RPTOR: variants seen among roughly 807,000 people sequenced by gnomAD.
RPTOR encodes regulatory-associated protein of mTOR.
In RPTOR, 21 loss-of-function variants were observed where a neutral mutation model predicts 169.9. The ratio of observed to expected loss-of-function variants is 0.12; its 90% CI spans 0.09 to 0.18. The LOEUF is 0.18. Among genes scored for constraint, RPTOR ranks in the 10% least tolerant of loss-of-function variants. The probability of loss-of-function intolerance (pLI) is 1.00; values close to 1 mark genes in which losing one functional copy is unlikely to be tolerated. For synonymous variants in RPTOR, 732 were observed against 753.2 expected (o/e 0.97, Z 0.46); for missense variants, 1,133 against 1,855.9 (o/e 0.61, Z 7.16).
chr17:80,582,772 T>C (rs1350027746), intron 1 of RPTOR, among the ~76,000 whole-genome samples: 2 of 151,554 alleles, frequency 1.3e-5, no homozygotes, highest in East Asian at 3.9e-4. Context: ...TCTCGATCTC[T>C]TGACCTCGTG....
chr17:80,732,099 G>A (rs376815341), intron 5 of RPTOR, among the ~76,000 whole-genome samples: 14 of 152,108 alleles, frequency 9.2e-5, no homozygotes, highest in Admixed American at 2.0e-4. Context: ...TATCTAATGA[G>A]CATTAAGAAA....
chr17:80,929,264 G>A (rs1051596396), intron 24 of RPTOR, among the ~76,000 whole-genome samples: 7 of 152,194 alleles, frequency 4.6e-5, no homozygotes, highest in South Asian at 2.1e-4. Context: ...ATGCTTGCAC[G>A]AGCTCTGTGC....
At chr17:80,892,435 C>T (rs956024171) in intron 18 of RPTOR, among the ~76,000 whole-genome samples, 4 of 152,360 alleles carry the variant, frequency 2.6e-5, no homozygotes, top group South Asian at 4.1e-4. Flanking sequence ...TCACGGCCCA[C>T]GTCACCATGC....
chr17:80,626,195 G>A (rs1273234494), intron 2 of RPTOR, among the ~76,000 whole-genome samples: 1 of 152,054 alleles, frequency 6.6e-6, no homozygotes, highest in Non-Finnish European at 1.5e-5. Flanking sequence ...TGGGACTACA[G>A]GCACCCGCCA....
chr17:80,640,097 A>T (rs1481574434), intron 2 of RPTOR, among the ~76,000 whole-genome samples: 1 of 147,446 alleles, frequency 6.8e-6, no homozygotes, highest in African/African-American at 2.4e-5. Context: ...TAAAAGTTTT[A>T]TGCAAATACC....
Position 80,964,642 on chromosome 17 carries a change from G to A in RPTOR, c.*312G>A, listed in dbSNP as rs944811273. 6.9e-6 allele frequency: 3 copies of A among 435,670 alleles called. No individual in the cohort carries two copies. Among genetic ancestry groups the A allele is most frequent in the African/African-American group, 2.0e-5 (1 of 51,116 alleles). 27.0% of individuals were successfully genotyped at this position (435,670 alleles called of 1,614,324 possible). On this transcript the variant is annotated 3_prime_UTR_variant, in exon 34 of 34. Coordinates refer to ENST00000306801, the MANE Select transcript of RPTOR (RefSeq NM_020761.3). ...TGTGTTTCTCTGAGACGCTGAAAGG[G>A]GAAACACCTCACTTTATTTCCATGT...
At chr17:80,598,882 TTCTATCTATCTATCTATCTATCTA>T (rs57535540) in intron 1 of RPTOR, among the ~76,000 whole-genome samples, 5 of 146,758 alleles carry the variant, frequency 3.4e-5, no homozygotes, top group African/African-American at 5.1e-5. Flanking sequence ...TCTTGATTCT[TTCTATCTATCTATCTATCTATCTA>T]TCTATCTATC....
At chr17:80,620,074 A>G (rs538899918) in intron 1 of RPTOR, among the ~76,000 whole-genome samples, 1 of 152,152 alleles carries the variant, frequency 6.6e-6, no homozygotes, top group Non-Finnish European at 1.5e-5. Flanking sequence ...TTAGCACCTG[A>G]GAGGTCATCT....
chr17:80,908,982 G>A, intron 21 of RPTOR, 53 bp downstream of exon 21: 1 of 1,285,734 alleles, frequency 7.8e-7, no homozygotes, highest in Non-Finnish European at 1.1e-6. Flanking sequence ...TCGGTTACGA[G>A]TATGCATGCC....
At chr17:80,689,114 T>A (rs1338236383) in intron 3 of RPTOR, among the ~76,000 whole-genome samples, 3 of 152,256 alleles carry the variant, frequency 2.0e-5, no homozygotes, top group South Asian at 4.1e-4. Flanking sequence ...TCAAACGGTT[T>A]CATATGTATG....
chr17:80,820,391 G>A lies in RPTOR; in HGVS notation c.891-1810G>A, dbSNP rs764917543. ...CCATGTCCACCCCACGATGCCCCCC[G>A]TGCCCCTTCTCCGTGCTGTTTCCTA... On this transcript the variant is annotated intron_variant, in intron 7 of 33. Coordinates refer to ENST00000306801, the MANE Select transcript of RPTOR (RefSeq NM_020761.3). This position sits in a 1 kb window ranked among gnomAD's most constrained non-coding sequence, Gnocchi z 4.1. 3.9e-5 allele frequency among the ~76,000 whole-genome samples: 6 copies of A among 152,124 alleles called. No individual in the cohort carries two copies. Among genetic ancestry groups the A allele is most frequent in the Non-Finnish European group, 7.3e-5 (5 of 68,028 alleles).
At position 80,633,835 on chromosome 17, in the gene RPTOR, G is replaced by T. The variant is rs1476182306; in HGVS notation, c.265+8042G>T. Reference sequence around the variant, plus strand: ...TTTGGTGCCGAGCTTGTCTCCCTCTGGTTGTTGGGAACCCATTGGGCCGGC... The same window carrying T: ...TTTGGTGCCGAGCTTGTCTCCCTCTTGTTGTTGGGAACCCATTGGGCCGGC... On this transcript the variant is annotated intron_variant, in intron 2 of 33. Coordinates refer to ENST00000306801, the MANE Select transcript of RPTOR (RefSeq NM_020761.3). This position sits in a 1 kb window ranked among gnomAD's most constrained non-coding sequence, Gnocchi z 4.1. Among the ~76,000 whole-genome samples, 1 of 152,192 alleles carries T rather than the reference G, an allele frequency of 6.6e-6. No individual in the cohort carries two copies. The highest frequency in any genetic ancestry group is 6.5e-5 in the Admixed American group (1 of 15,288).
rs1456428604 is a variant in RPTOR at position 80,878,616 on chromosome 17, G to A, written c.1510-1799G>A. On this transcript the variant is annotated intron_variant, in intron 13 of 33. Coordinates refer to ENST00000306801, the MANE Select transcript of RPTOR (RefSeq NM_020761.3). The surrounding 1 kb of genome is among the most constrained non-coding windows in gnomAD (Gnocchi z 4.1). ...CTGTCTCAGCCTCCCAAAGTGCTGG[G>A]ATTATAGGCATGAGCCACCACGCCC... Among the ~76,000 whole-genome samples, 1 of 152,104 alleles carries A rather than the reference G, an allele frequency of 6.6e-6. No homozygotes were observed. Among genetic ancestry groups the A allele is most frequent in the Non-Finnish European group, 1.5e-5 (1 of 68,018 alleles).
At chr17:80,791,188 G>A (rs548518187) in intron 6 of RPTOR, among the ~76,000 whole-genome samples, 1 of 151,454 alleles carries the variant, frequency 6.6e-6, no homozygotes, top group Non-Finnish European at 1.5e-5. Context: ...TCCAGGGACC[G>A]GGCTTCATGT....
intron 4 of RPTOR, among the ~76,000 whole-genome samples, chr17:80,710,129 A>G (rs1216492641): frequency 1.3e-5 from 2 of 151,610 alleles, no homozygotes; most frequent in African/African-American, 4.9e-5. Context: ...GGTGTGCACC[A>G]CCACACCTGG....
At chr17:80,770,943 A>G (rs944533949) in intron 6 of RPTOR, among the ~76,000 whole-genome samples, 1 of 152,232 alleles carries the variant, frequency 6.6e-6, no homozygotes, top group Non-Finnish European at 1.5e-5. Flanking sequence ...CCCAGCATAC[A>G]GCGTGTGCTG....
At chr17:80,728,738 C>CT (rs145409785) in intron 4 of RPTOR, among the ~76,000 whole-genome samples, 24 of 147,830 alleles carry the variant, frequency 1.6e-4, no homozygotes, top group African/African-American at 4.2e-4. Flanking sequence ...TGCTCTTGTG[C>CT]TTTTTTTTTT....
chr17:80,690,812 C>T (rs58904301), intron 3 of RPTOR, among the ~76,000 whole-genome samples: 2,804 of 151,920 alleles, frequency 0.018, 90 homozygotes, highest in African/African-American at 0.063. Context: ...CCTTTTTTTG[C>T]AACAGGGGAT....
intron 4 of RPTOR, among the ~76,000 whole-genome samples, chr17:80,717,100 G>A (rs1168409218): frequency 6.6e-6 from 1 of 152,134 alleles, no homozygotes; most frequent in African/African-American, 2.4e-5. Flanking sequence ...TTCTAATTCT[G>A]TGAAGAATGA....
Sources: gnomAD v4.1 joint callset for allele counts (sites outside exome capture counted in the v4.1 genomes callset) on GRCh38, gnomAD v4.1.1 for gene constraint, Gnocchi (gnomAD v3.1) non-coding constraint, MANE v1.5 for transcripts, NCBI Gene and HGNC (gene_info 2026-07-23, HGNC 2026-07-21) for gene names.